MOK: variants seen among roughly 807,000 people sequenced by gnomAD.
MOK encodes the protein MAPK/MAK/MRK overlapping kinase.
MOK carries 59 observed loss-of-function variants against 54.2 expected under a neutral mutation model. That is an observed-to-expected ratio of 1.09 (90% CI 0.88 to 1.35). MOK has a LOEUF of 1.35. Among genes scored for constraint, MOK ranks in the 40% most tolerant of loss-of-function variants. MOK has a pLI of 0.00. For missense variants in MOK, 517 were observed against 526.2 expected (o/e 0.98, Z 0.17); for synonymous variants, 210 against 202.7 (o/e 1.04, Z -0.31).
chr14:102,288,124 G>A (rs776648172), intron 1 of MOK, among the ~76,000 whole-genome samples: 51 of 151,998 alleles, frequency 3.4e-4, no homozygotes, highest in Non-Finnish European at 5.9e-4. Context: ...GTGAGCCACC[G>A]CACCCGGCCT....
chr14:102,251,900 A>G lies in MOK; in HGVS notation c.362+17T>C. 6.4e-7 allele frequency: 1 copy of G among 1,574,500 alleles called. No homozygotes were observed. The highest frequency in any genetic ancestry group is 8.7e-7 in the Non-Finnish European group (1 of 1,148,102). On this transcript the variant is annotated intron_variant, in intron 5 of 11. Coordinates refer to ENST00000361847, the MANE Select transcript of MOK (RefSeq NM_014226.3). Reference sequence around the variant, plus strand: ...CATTTTATTAATTTCAGAGCTGTCAAATCTCCGAGAGCATACCTGTGAATA... The same window carrying G: ...CATTTTATTAATTTCAGAGCTGTCAGATCTCCGAGAGCATACCTGTGAATA...
rs759556455 is a variant in MOK, at chr14:102,281,149, C to G, written c.122+2329G>C. On this transcript the variant is annotated intron_variant, in intron 2 of 11. Transcript: ENST00000361847. ...GACCAGCCTGGCCAACATGGTGAAA[C>G]CCCATCTCTACTAAAAATACAAAAA... Among the ~76,000 whole-genome samples the G allele has an allele frequency of 1.6e-4, 25 of 152,016 alleles. 1 individual carries two copies. Among genetic ancestry groups the G allele is most frequent in the Non-Finnish European group, 5.9e-5 (4 of 67,986 alleles).
At chr14:102,261,461 T>A (rs1181219012) in intron 4 of MOK, among the ~76,000 whole-genome samples, 2 of 96,990 alleles carry the variant, frequency 2.1e-5, no homozygotes, top group African/African-American at 7.7e-5. Context: ...ATATATATTC[T>A]AAACAAAGCT....
In MOK at chr14:102,236,857, T is replaced by C. The variant is rs537715046; in HGVS notation, c.591-3068A>G. Reference sequence around the variant, plus strand: ...TTCTTAGGCCAACACGTTCTTCATATAACACCACCATCCTCCTGGTTAAAA... The same window carrying C: ...TTCTTAGGCCAACACGTTCTTCATACAACACCACCATCCTCCTGGTTAAAA... On this transcript the variant is annotated intron_variant, in intron 7 of 11. Coordinates refer to ENST00000361847, the MANE Select transcript of MOK (RefSeq NM_014226.3). This position sits in a 1 kb window ranked among gnomAD's most constrained non-coding sequence, Gnocchi z 4.5. Among the ~76,000 whole-genome samples the C allele has an allele frequency of 6.5e-4, 99 of 152,262 alleles. No individual in the cohort carries two copies. The highest frequency in any genetic ancestry group is 2.3e-3 in the African/African-American group (96 of 41,544).
In MOK at chr14:102,232,960, G is replaced by A; in HGVS notation, c.693-252C>T. ...CACTCGAGGCAGGTGCTGACGACAG[G>A]GGAGGCTGTGTGCACATGGGGACAG... On this transcript the variant is annotated intron_variant, in intron 8 of 11. Coordinates refer to ENST00000361847, the MANE Select transcript of MOK (RefSeq NM_014226.3). This position sits in a 1 kb window ranked among gnomAD's most constrained non-coding sequence, Gnocchi z 5.1. 3.2e-6 allele frequency: 1 copy of A among 313,766 alleles called. No individual in the cohort carries two copies. The allele number at this position is 313,766 out of a possible 1,614,324, so 19.4% of individuals were successfully genotyped here. A position where few individuals can be genotyped will look rare whatever the true frequency, so the allele number is the denominator to read the frequency against.
At position 102,266,098 on chromosome 14, in the gene MOK, T is replaced by TTA. The variant is rs1821766680; in HGVS notation, c.123-187_123-186insTA. The stretch of plus-strand genomic sequence containing the variant: ...CATTGCTGCATTAAAAAATCAAGGT[T>TTA]CTTATAGCTAGAACATACGTTAAAA... On this transcript the variant is annotated intron_variant, in intron 2 of 11. Coordinates refer to ENST00000361847, the MANE Select transcript of MOK (RefSeq NM_014226.3). 2.6e-5 allele frequency among the ~76,000 whole-genome samples: 4 copies of TTA among 152,296 alleles called. No homozygotes were observed. In the South Asian group the frequency reaches 8.3e-4, roughly 32 times the overall value.
intron 4 of MOK, among the ~76,000 whole-genome samples, chr14:102,253,098 A>T (rs1435316454): frequency 1.3e-5 from 2 of 152,236 alleles, no homozygotes; most frequent in African/African-American, 4.8e-5. Flanking sequence ...CAGGTGAAGC[A>T]GGTTTGGGAA....
chr14:102,295,217 AACAG>A (rs1010079475), intron 1 of MOK, among the ~76,000 whole-genome samples: 3 of 152,154 alleles, frequency 2.0e-5, no homozygotes, highest in Non-Finnish European at 4.4e-5. Context: ...CAAAAAGAAA[AACAG>A]ACTCAAGGAC....
At chr14:102,255,527 G>A (rs1390232723) in intron 4 of MOK, among the ~76,000 whole-genome samples, 4 of 151,754 alleles carry the variant, frequency 2.6e-5, no homozygotes, top group African/African-American at 9.7e-5. Context: ...GGGGTAGGGA[G>A]CCGTCCTGGT....
chr14:102,215,237 C>T, the MOK span, among the ~76,000 whole-genome samples: 1 of 152,338 alleles, frequency 6.6e-6, no homozygotes, highest in African/African-American at 2.4e-5. Context: ...CTCCTCTGTG[C>T]CAACTCCAGT....
chr14:102,227,862 T>C (rs1816655239), downstream of MOK, among the ~76,000 whole-genome samples: 1 of 152,130 alleles, frequency 6.6e-6, no homozygotes, highest in African/African-American at 2.4e-5. Flanking sequence ...GGAGAGCACG[T>C]GAAGGAAGGG....
chr14:102,215,437 T>C, the MOK span, among the ~76,000 whole-genome samples: 1 of 152,174 alleles, frequency 6.6e-6, no homozygotes. Context: ...GTGGAGAAGG[T>C]AGCGGCTGGT....
chr14:102,251,439 C>A, intron 6 of MOK: 1 of 450,130 alleles, frequency 2.2e-6, no homozygotes, highest in Admixed American at 2.8e-5. Context: ...GGGAGTGAGA[C>A]GGACCTGAGC....
downstream of MOK, among the ~76,000 whole-genome samples, chr14:102,227,489 G>A (rs2064297757): frequency 6.6e-6 from 1 of 152,156 alleles, no homozygotes. Context: ...TACAGCAAGG[G>A]CAGCCCTCAA....
chr14:102,303,524 T>C (rs557066003), intron 1 of MOK, among the ~76,000 whole-genome samples: 2 of 152,306 alleles, frequency 1.3e-5, no homozygotes, highest in South Asian at 4.1e-4. Flanking sequence ...CAGAATACAA[T>C]TGGTGATTCT....
Position 102,265,828 on chromosome 14 carries a change from C to T in MOK, c.207G>A (p.Val69=), listed in dbSNP as rs1330685709. ...PHPNILMLHE[V]VFDRKSGSLA... is the part of the protein sequence containing the mutation. ...CAAGCTCCAAATATACTTACAAAAC[C>T]ACTTCATGCAACATAAGAATGTTTG... Residue 69 remains valine (V), a synonymous_variant, in exon 3 of 12, where the codon GTG becomes GTA. Coordinates refer to ENST00000361847, the MANE Select transcript of MOK (RefSeq NM_014226.3). The T allele has an allele frequency of 6.2e-7, 1 of 1,612,742 alleles. No homozygotes were observed. The highest frequency in any genetic ancestry group is 2.2e-5 in the East Asian group (1 of 44,868).
At chr14:102,274,353 C>T (rs568563072) in intron 2 of MOK, among the ~76,000 whole-genome samples, 1 of 150,832 alleles carries the variant, frequency 6.6e-6, no homozygotes, top group Non-Finnish European at 1.5e-5. Flanking sequence ...CTCCCAGGCT[C>T]AAGCAATCCT....
At chr14:102,225,171 C>CCAT (rs1315989117), downstream of MOK, 6 of 205,916 alleles carry the variant, frequency 2.9e-5, no homozygotes, top group East Asian at 8.8e-4. Context: ...AGTGATCCTC[C>CCAT]CATCTCAGCC....
chr14:102,297,704 C>G (rs1360564752), intron 1 of MOK, among the ~76,000 whole-genome samples: 7 of 152,058 alleles, frequency 4.6e-5, no homozygotes, highest in South Asian at 2.1e-4. Flanking sequence ...CAGGCGGGAA[C>G]CGGGGCTGCA....
Sources: allele counts gnomAD v4.1 joint callset (sites outside exome capture counted in the v4.1 genomes callset), GRCh38; gene constraint gnomAD v4.1.1; non-coding constraint Gnocchi (gnomAD v3.1); transcripts MANE v1.5; gene names NCBI Gene and HGNC (gene_info 2026-07-23, HGNC 2026-07-21).